The following DRP2 variants were observed in gnomAD, a reference collection of about 807,000 sequenced individuals.
DRP2 encodes the protein dystrophin-related protein 2.
A neutral mutation model predicts 78.2 loss-of-function variants in DRP2; 29 were observed. The ratio of observed to expected loss-of-function variants is 0.37; its 90% CI spans 0.28 to 0.51. The LOEUF (loss-of-function observed/expected upper bound fraction) is 0.51, where lower values mean the gene tolerates loss of function less well. Ranked by LOEUF, DRP2 falls within the 20% of genes least tolerant of loss-of-function variation. The pLI is 0.94. For synonymous variants in DRP2, 290 were observed against 281.9 expected (o/e 1.03, Z -0.29); for missense variants, 686 against 770.6 (o/e 0.89, Z 1.30).
intron 1 of DRP2, among the ~76,000 whole-genome samples, chrX:101,222,351 C>G (rs947261227): frequency 8.9e-6 from 1 of 112,054 alleles, no homozygotes; most frequent in African/African-American, 3.2e-5. Context: ...AAATAAAAAA[C>G]TGGAAGAAAT....
intron 1 of DRP2, among the ~76,000 whole-genome samples, chrX:101,224,203 T>TTG (rs2078494332): frequency 1.4e-5 from 1 of 69,525 alleles, no homozygotes; most frequent in African/African-American, 6.0e-5. Context: ...TTTTTTTTTT[T>TTG]TTTTTTTTTT....
chrX:101,254,039 T>C (rs1923245417), intron 17 of DRP2, among the ~76,000 whole-genome samples: 1 of 111,173 alleles, frequency 9.0e-6, no homozygotes, highest in African/African-American at 3.3e-5. Context: ...CCCAACACTT[T>C]GAGAGGCCGA....
At chrX:101,248,707 G>A in intron 14 of DRP2, 108 bp downstream of exon 14, 1 of 646,502 alleles carries the variant, frequency 1.5e-6, no homozygotes, top group Non-Finnish European at 2.4e-6. Flanking sequence ...ACTCAGCAGA[G>A]GGCTACTTGG....
intron 1 of DRP2, among the ~76,000 whole-genome samples, chrX:101,222,303 A>G (rs1921919873): frequency 8.9e-6 from 1 of 111,746 alleles, no homozygotes; most frequent in Non-Finnish European, 1.9e-5. Flanking sequence ...AGTTTGGGGA[A>G]CTGCTGCTAA....
chrX:101,222,492 C>G (rs1026579255), intron 1 of DRP2, among the ~76,000 whole-genome samples: 22 of 111,728 alleles, frequency 2.0e-4, no homozygotes, highest in African/African-American at 7.2e-4. Context: ...TCCTGATTCC[C>G]CAGCCCACTG....
Position 101,248,211 on chromosome X carries a change from G to T in DRP2, c.1375G>T (p.Glu459Ter). Reference sequence around the variant, plus strand: ...CCTGACTGCCTTATATGAACGTTTGGAGGAGGAAAGAGGCATCCTGGTCAA... The same window carrying T: ...CCTGACTGCCTTATATGAACGTTTGTAGGAGGAAAGAGGCATCCTGGTCAA... ...HCLTALYERL[E>*]EERGILVNVP... Residue 459 changes from glutamate to a stop codon, truncating the protein, a stop_gained, in exon 13 of 24, where the codon GAG becomes TAG. Transcript: ENST00000395209. LOFTEE classifies it high-confidence loss of function. 1 of 1,211,630 alleles carries T rather than the reference G, an allele frequency of 8.3e-7. No homozygotes were observed. The highest frequency in any genetic ancestry group is 1.1e-6 in the Non-Finnish European group (1 of 895,478).
At chrX:101,248,007 C>A in intron 12 of DRP2, 82 bp from the exon 13 acceptor site, 2 of 892,706 alleles carry the variant, frequency 2.2e-6, no homozygotes, top group Non-Finnish European at 3.2e-6. Flanking sequence ...TTTGGTGATG[C>A]TGGTGGCTTT....
chrX:101,242,303 C>T (rs747607036), intron 7 of DRP2, 22 bp from the exon 8 acceptor site: 37 of 1,206,175 alleles, frequency 3.1e-5, no homozygotes, highest in Non-Finnish European at 4.0e-5. Context: ...TCTGCTGTGG[C>T]ACTTGGGTCC....
chrX:101,246,763 A>G (rs956203502), intron 11 of DRP2, among the ~76,000 whole-genome samples: 10 of 112,487 alleles, frequency 8.9e-5, no homozygotes, highest in African/African-American at 3.2e-4. Context: ...AGTTATTTTT[A>G]CATATATACA....
At position 101,262,892 on chromosome X, in the gene DRP2, A is replaced by T. The variant is rs1347780437; in HGVS notation, c.*2271A>T. On this transcript the variant is annotated 3_prime_UTR_variant, in exon 24 of 24. Coordinates refer to ENST00000395209, the MANE Select transcript of DRP2 (RefSeq NM_001939.3). ...CCTAAGCCTTAGGCGGGTACATGTT[A>T]TGGAGCAATTTTTTACCAGGAAAGT... 1 of 111,132 alleles carries T rather than the reference A, an allele frequency of 9.0e-6. No individual in the cohort carries two copies. The highest frequency in any genetic ancestry group is 1.9e-5 in the Non-Finnish European group (1 of 53,023). The allele number at this position is 111,132 out of a possible 1,213,427, so 9.2% of individuals were successfully genotyped here. A position where few individuals can be genotyped will look rare whatever the true frequency, so the allele number is the denominator to read the frequency against.
At position 101,248,298 on chromosome X, in the gene DRP2, C is replaced by T. The variant is rs186360624; in HGVS notation, c.1454+8C>T. 6.9e-4 allele frequency: 834 copies of T among 1,204,291 alleles called. 5 individuals are homozygous for T. In the Middle Eastern group the frequency reaches 9.7e-3, roughly 14 times the overall value. On this transcript the variant is annotated splice_region_variant and intron_variant, in intron 13 of 23. Transcript: ENST00000395209. ...CCTCAATGTTTTTGATAGGTAAGGG[C>T]TTTCAGCTCTGGAAGCCTCCAGGAT...
intron 9 of DRP2, 77 bp from the exon 10 acceptor site, chrX:101,244,940 A>T: frequency 1.0e-6 from 1 of 983,782 alleles, no homozygotes; most frequent in Non-Finnish European, 1.4e-6. Context: ...CTTTGGGAGA[A>T]TAGAGCAAGG....
intron 2 of DRP2, among the ~76,000 whole-genome samples, chrX:101,225,478 T>C (rs1442054993): frequency 8.9e-6 from 1 of 111,800 alleles, no homozygotes; most frequent in African/African-American, 3.3e-5. Context: ...TTACTTACCA[T>C]CTCTGTGCCC....
Position 101,241,702 on chromosome X carries a change from C to A in DRP2, c.594C>A (p.Ser198Arg). 8.3e-7 allele frequency: 1 copy of A among 1,211,706 alleles called. No homozygotes were observed. Among genetic ancestry groups the A allele is most frequent in the Non-Finnish European group, 1.1e-6 (1 of 895,448 alleles). Residue 198 changes from serine (S) to arginine (R), a missense_variant, in exon 7 of 24, where the codon AGC (serine) becomes AGA (arginine). Physicochemically the swap from Ser to Arg is moderately radical, Grantham distance 110 (BLOSUM62 -1). This residue lies in a region of DRP2 where 263 missense variants were observed against 239.1 expected (regional missense o/e 1.10). Coordinates refer to ENST00000395209, the MANE Select transcript of DRP2 (RefSeq NM_001939.3). ...CGAAACAGCGGATCCAGAATCTCAG[C>A]CGCTTTGTATGGAAGCAGGCGACGG... Reference protein sequence around the residue: ...TSPKQRIQNLSRFVWKQATVA... With the variant: ...TSPKQRIQNLRRFVWKQATVA...
In DRP2 at chrX:101,256,198, G is replaced by T. The variant is rs1277636998; in HGVS notation, c.2327G>T (p.Ser776Ile). ...EPAFGQQAPC[S>I]VATESKGELQ... is the part of the protein sequence containing the mutation. ...GCCTTTGGACAGCAGGCTCCATGCA[G>T]TGTGGCCACAGAAAGCAAAGGGGAG... is the stretch of plus-strand genomic sequence containing the variant. Residue 776 changes from serine (S) to isoleucine (I), a missense_variant, in exon 21 of 24, where the codon AGT (serine) becomes ATT (isoleucine). Ser to Ile is a moderately radical substitution (Grantham distance 142). Around this residue, in one of 2 missense-constraint regions of DRP2, gnomAD observed 423 missense variants for 531.5 expected, o/e 0.80. Coordinates refer to ENST00000395209, the MANE Select transcript of DRP2 (RefSeq NM_001939.3). 1 of 1,208,381 alleles carries T rather than the reference G, an allele frequency of 8.3e-7. No homozygotes were observed. Among genetic ancestry groups the T allele is most frequent in the Admixed American group, 2.2e-5 (1 of 45,569 alleles).
In DRP2 at chrX:101,237,646, C is replaced by A; in HGVS notation, c.309C>A (p.His103Gln). Residue 103 changes from histidine (H) to glutamine (Q), a missense_variant, in exon 5 of 24, where the codon CAC becomes CAA. Around this residue, in one of 2 missense-constraint regions of DRP2, gnomAD observed 263 missense variants for 239.1 expected, o/e 1.10. Transcript: ENST00000395209. ...LRARLEAFSDHSGKLQLPLQE... is the reference protein window; with the variant it reads ...LRARLEAFSDQSGKLQLPLQE... ...CTCGCCTAGAGGCCTTCTCAGACCA[C>A]AGTGGAAAGCTTCAGCTCCCTCTTC... 1 of 1,153,603 alleles carries A rather than the reference C, an allele frequency of 8.7e-7. No homozygotes were observed. The highest frequency in any genetic ancestry group is 1.2e-6 in the Non-Finnish European group (1 of 858,801).
chrX:101,235,780 C>T, intron 3 of DRP2, 80 bp from the exon 4 acceptor site: 1 of 1,035,338 alleles, frequency 9.7e-7, no homozygotes, highest in Non-Finnish European at 1.3e-6. Flanking sequence ...CCCTTGTTCA[C>T]ACTTGTCTCA....
Position 101,231,740 on chromosome X carries a change from C to G in DRP2, c.93C>G (p.Leu31=). The change falls in exon 3 of 24, where the codon CTC becomes CTG. Residue 31 remains leucine, a synonymous_variant. Transcript: ENST00000395209. ...ACCAGTTCCATCATAGCAGCAGCCT[C>G]CGAAGCACCTGCCCCCACCCTCAGG... ...AADQFHHSSS[L]RSTCPHPQVR... is the part of the protein sequence containing the mutation. 2.5e-6 allele frequency: 3 copies of G among 1,210,224 alleles called. No individual in the cohort carries two copies. The highest frequency in any genetic ancestry group is 3.4e-6 in the Non-Finnish European group (3 of 894,580).
intron 6 of DRP2, among the ~76,000 whole-genome samples, chrX:101,241,275 C>A (rs1016113790): frequency 1.8e-5 from 2 of 111,514 alleles, no homozygotes; most frequent in Non-Finnish European, 3.8e-5. Flanking sequence ...CATACACACA[C>A]GAATACAAGT....
Sources: allele counts gnomAD v4.1 joint callset (sites outside exome capture counted in the v4.1 genomes callset), GRCh38; gene constraint gnomAD v4.1.1; regional missense constraint gnomAD v4.1.1; transcripts MANE v1.5; gene names NCBI Gene and HGNC (gene_info 2026-07-23, HGNC 2026-07-21).